Variants in KRABD3 observed in about 807,000 individuals in gnomAD.
The protein encoded by KRABD3 is KRAB domain containing 3, also known as KRAB domain-containing protein 3.
At chr7:149,727,532 C>T in the KRABD3 span, among the ~76,000 whole-genome samples, 1 of 152,256 alleles carries the variant, frequency 6.6e-6, no homozygotes, top group Non-Finnish European at 1.5e-5. Context: ...ACACAGAGGG[C>T]AGCATCTATA....
chr7:149,722,617 G>A, the KRABD3 span: 12 of 1,544,658 alleles, frequency 7.8e-6, no homozygotes, highest in Non-Finnish European at 1.1e-5. Context: ...ACACGAGGAG[G>A]TCATGCTGCT....
At chr7:149,722,284 G>T in the KRABD3 span, 1 of 1,164,324 alleles carries the variant, frequency 8.6e-7, no homozygotes, top group Non-Finnish European at 1.2e-6. Context: ...AGAAAGAAAC[G>T]GTAAAGGCCC....
the KRABD3 span, chr7:149,720,807 C>A: frequency 6.4e-7 from 1 of 1,557,108 alleles, no homozygotes; most frequent in Non-Finnish European, 8.7e-7. Context: ...CGCAGGGGTG[C>A]GGGGGGGTCA....
At chr7:149,733,808 G>A in the KRABD3 span, 41 of 1,603,896 alleles carry the variant, frequency 2.6e-5, no homozygotes, top group South Asian at 6.7e-5. Context: ...CCCCCTCCTC[G>A]CACATACCGG....
At chr7:149,729,238 G>A in the KRABD3 span, 1 of 1,599,208 alleles carries the variant, frequency 6.3e-7, no homozygotes, top group Non-Finnish European at 8.5e-7. Context: ...GGGTAGGGGA[G>A]AAGCGCCCAC....
chr7:149,733,713 C>T, the KRABD3 span: 37 of 1,581,816 alleles, frequency 2.3e-5, no homozygotes, highest in Middle Eastern at 1.7e-4. Flanking sequence ...GACGCTCCCC[C>T]GGCAGAACCT....
the KRABD3 span, chr7:149,725,820 C>T: frequency 5.7e-6 from 8 of 1,403,528 alleles, no homozygotes; most frequent in African/African-American, 1.5e-5. Flanking sequence ...TGCCCGTGCA[C>T]CCCATGGCCC....
At chr7:149,734,027 C>A in the KRABD3 span, 1 of 1,607,548 alleles carries the variant, frequency 6.2e-7, no homozygotes, top group Non-Finnish European at 8.5e-7. Context: ...GCACAGGGAC[C>A]CGAGATGGGG....
the KRABD3 span, chr7:149,721,295 A>G: frequency 1.4e-6 from 2 of 1,464,252 alleles, no homozygotes; most frequent in South Asian, 1.3e-5. Context: ...TTGTTAGTAC[A>G]TGGCAAGGAA....
the KRABD3 span, chr7:149,715,141 C>G: frequency 3.3e-6 from 4 of 1,230,170 alleles, no homozygotes; most frequent in Non-Finnish European, 4.1e-6. Flanking sequence ...GAGCTGGGAC[C>G]CCCCCGCAAC....
At chr7:149,717,055 C>T in the KRABD3 span, among the ~76,000 whole-genome samples, 2 of 152,136 alleles carry the variant, frequency 1.3e-5, 1 homozygote, top group South Asian at 4.1e-4. Flanking sequence ...CCGTGCTCTG[C>T]CCCGGTCTCT....
chr7:149,728,381 G>T, the KRABD3 span: 1 of 991,194 alleles, frequency 1.0e-6, no homozygotes, highest in South Asian at 1.6e-5. Context: ...CCGCGCCAGA[G>T]CCAGGACTGA....
the KRABD3 span, chr7:149,720,083 A>C: frequency 1.3e-6 from 2 of 1,553,768 alleles, no homozygotes; most frequent in African/African-American, 2.7e-5. Flanking sequence ...GGAGGGAGCC[A>C]CGCTGATGAG....
chr7:149,730,304 G>A, the KRABD3 span: 830 of 1,549,354 alleles, frequency 5.4e-4, no homozygotes, highest in Non-Finnish European at 6.8e-4. Context: ...GAGAAGACCC[G>A]AGGCCAGAGC....
At chr7:149,730,687 A>G in the KRABD3 span, 2 of 1,276,888 alleles carry the variant, frequency 1.6e-6, no homozygotes, top group Non-Finnish European at 1.1e-6. Context: ...AGTCCTGCAC[A>G]TTGGCCGTGC....
chr7:149,719,658 C>G, the KRABD3 span: 2 of 1,606,572 alleles, frequency 1.2e-6, no homozygotes, highest in East Asian at 2.2e-5. The surrounding 1 kb of genome is among the most constrained non-coding windows in gnomAD (Gnocchi z 5.6). Context: ...AACTACGAGA[C>G]GCTGGTCTCT....
At chr7:149,728,653 G>A in the KRABD3 span, 1 of 1,613,584 alleles carries the variant, frequency 6.2e-7, no homozygotes, top group Non-Finnish European at 8.5e-7. Flanking sequence ...CAGAGCCCAG[G>A]AACTGGACAG....
chr7:149,731,466 C>T, the KRABD3 span, among the ~76,000 whole-genome samples: 7 of 152,370 alleles, frequency 4.6e-5, no homozygotes, highest in South Asian at 4.1e-4. Flanking sequence ...GAGCCCCCTG[C>T]ATACAGGGCA....
At chr7:149,729,390 C>G in the KRABD3 span, 1 of 1,424,262 alleles carries the variant, frequency 7.0e-7, no homozygotes, top group Non-Finnish European at 9.2e-7. Context: ...CACCTGCCCT[C>G]GGTACTGACA....
Sources: allele counts gnomAD v4.1 joint callset (sites outside exome capture counted in the v4.1 genomes callset), GRCh38; gene constraint gnomAD v4.1.1; non-coding constraint Gnocchi (gnomAD v3.1); transcripts MANE v1.5; gene names NCBI Gene and HGNC (gene_info 2026-07-23, HGNC 2026-07-21).